The following GSTO1 variants were observed in gnomAD, a reference collection of about 807,000 sequenced individuals.
GSTO1 encodes the protein glutathione S-transferase omega 1.
In GSTO1, 27 loss-of-function variants were observed where a neutral mutation model predicts 23.8. The observed-to-expected ratio is 1.13, with a 90% CI of 0.83 to 1.56. The LOEUF is 1.56. GSTO1 is among the 40% of genes most tolerant of loss of function. GSTO1 has a pLI of 0.00. For synonymous variants in GSTO1, 105 were observed against 109.3 expected, an observed-to-expected ratio of 0.96 and a Z score of 0.25; for missense variants, 255 against 285.8, an observed-to-expected ratio of 0.89 and a Z score of 0.78.
chr10:104,258,893 G>C (rs181410764), intron 2 of GSTO1, among the ~76,000 whole-genome samples: 8 of 151,892 alleles, frequency 5.3e-5, no homozygotes, highest in African/African-American at 1.7e-4. Flanking sequence ...TATAAAAATG[G>C]GCAACACATA....
Position 104,255,265 on chromosome 10 carries a change from G to GA in GSTO1, c.139dup (p.Ile47AsnfsTer4). On this transcript the variant is annotated frameshift_variant, in exon 2 of 6. Transcript: ENST00000369713. LOFTEE classifies it high-confidence loss of function. Reference sequence around the variant, plus strand: ...ACGCGTCTAGTCCTGAAGGCCAAGGGAATCAGGTGGGCACCCAGGCGGGGG... The same window carrying GA: ...ACGCGTCTAGTCCTGAAGGCCAAGGGAAATCAGGTGGGCACCCAGGCGGGGG... 6.2e-7 allele frequency: 1 copy of GA among 1,601,322 alleles called. No homozygotes were observed. The highest frequency in any genetic ancestry group is 8.6e-7 in the Non-Finnish European group (1 of 1,168,266).
intron 5 of GSTO1, 95 bp from the exon 6 acceptor site, chr10:104,267,157 A>G: frequency 1.4e-6 from 1 of 699,608 alleles, no homozygotes; most frequent in South Asian, 2.5e-5. Flanking sequence ...AAGGGAAAAA[A>G]GTGAAACTGT....
At chr10:104,255,764 C>T (rs11191976) in intron 2 of GSTO1, among the ~76,000 whole-genome samples, 11,243 of 152,222 alleles carry the variant, frequency 0.074, 1,400 homozygotes, top group African/African-American at 0.26. Context: ...GTTTACTGCA[C>T]ATATTCCTGT....
chr10:104,259,470 T>C, intron 2 of GSTO1, 106 bp from the exon 3 acceptor site: 1 of 663,348 alleles, frequency 1.5e-6, no homozygotes, highest in Non-Finnish European at 2.6e-6. Flanking sequence ...GGCAGACTCC[T>C]AAATTTGGGG....
upstream of GSTO1, chr10:104,254,623 G>T: frequency 2.1e-6 from 1 of 484,020 alleles, no homozygotes; most frequent in South Asian, 2.0e-5. Context: ...GTGGAGCCCC[G>T]TGGAGTGCGG....
intron 5 of GSTO1, 76 bp downstream of exon 5, chr10:104,266,266 G>A (rs2011181944): frequency 1.3e-6 from 1 of 799,256 alleles, no homozygotes; most frequent in South Asian, 1.4e-5. Flanking sequence ...CTTTATAACA[G>A]AAGTTGAAAT....
intron 3 of GSTO1, among the ~76,000 whole-genome samples, chr10:104,262,577 T>C (rs2135061509): frequency 6.6e-6 from 1 of 152,298 alleles, no homozygotes; most frequent in East Asian, 1.9e-4. Flanking sequence ...CCTGGCGTGG[T>C]GGCGCACGCC....
intron 5 of GSTO1, among the ~76,000 whole-genome samples, 165 bp downstream of exon 5, chr10:104,266,355 T>C (rs1166965629): frequency 6.6e-6 from 1 of 152,212 alleles, no homozygotes; most frequent in African/African-American, 2.4e-5. Context: ...ATACCTACAC[T>C]AACTACTCTC....
At chr10:104,254,519 G>C (rs2091591716), upstream of GSTO1, 2 of 282,246 alleles carry the variant, frequency 7.1e-6, no homozygotes, top group Admixed American at 5.0e-5. Context: ...CCATGAGGTC[G>C]GGCCACAGGC....
chr10:104,255,134 C>T, intron 1 of GSTO1, 29 bp from the exon 2 acceptor site: 1 of 1,564,124 alleles, frequency 6.4e-7, no homozygotes, highest in Non-Finnish European at 8.8e-7. Context: ...CCTCTCTGGG[C>T]CGTAATCGCC....
intron 3 of GSTO1, among the ~76,000 whole-genome samples, chr10:104,262,391 CTA>C (rs1472260687): frequency 2.0e-5 from 3 of 152,152 alleles, no homozygotes. Flanking sequence ...CCCAATAATT[CTA>C]TGAGCCACTC....
upstream of GSTO1, chr10:104,254,477 T>A (rs17881389): frequency 3.2e-4 from 64 of 197,848 alleles, no homozygotes; most frequent in Admixed American, 3.0e-3. Flanking sequence ...AACAGGAGCC[T>A]TTGGAGAGAA....
chr10:104,264,165 A>C lies in GSTO1; in HGVS notation c.465+1088A>C, dbSNP rs1168041286. Among the ~76,000 whole-genome samples the C allele has an allele frequency of 2.0e-5, 3 of 152,192 alleles. No homozygotes were observed. In the East Asian group the frequency reaches 5.8e-4, roughly 29 times the overall value. Reference sequence around the variant, plus strand: ...TTTCTAATCTCTGAAACCATTTGGTAGGGACTAGCGGTTTCTTTAAAACAT... The same window carrying C: ...TTTCTAATCTCTGAAACCATTTGGTCGGGACTAGCGGTTTCTTTAAAACAT... On this transcript the variant is annotated intron_variant, in intron 4 of 5. Transcript: ENST00000369713.
chr10:104,264,219 A>T (rs2011161215), intron 4 of GSTO1, among the ~76,000 whole-genome samples: 1 of 151,892 alleles, frequency 6.6e-6, no homozygotes, highest in Non-Finnish European at 1.5e-5. Context: ...ACAGGGGTAG[A>T]TTTTTCATTA....
At chr10:104,256,718 T>C (rs11817274) in intron 2 of GSTO1, among the ~76,000 whole-genome samples, 15,784 of 152,208 alleles carry the variant, frequency 0.1, 2,794 homozygotes, top group African/African-American at 0.36. Context: ...GTGGCAGGTG[T>C]GTAGACTTGT....
At chr10:104,264,380 A>G (rs1442152656) in intron 4 of GSTO1, among the ~76,000 whole-genome samples, 2 of 152,202 alleles carry the variant, frequency 1.3e-5, no homozygotes, top group Admixed American at 1.3e-4. Flanking sequence ...TTAGTAGTAG[A>G]CAGAACACAG....
In GSTO1 at chr10:104,267,260, A is replaced by G; in HGVS notation, c.581A>G (p.Asp194Gly). 1 of 1,611,530 alleles carries G rather than the reference A, an allele frequency of 6.2e-7. No individual in the cohort carries two copies. Among genetic ancestry groups the G allele is most frequent in the South Asian group, 1.1e-5 (1 of 90,904 alleles). The change falls in exon 6 of 6, where the codon GAC (aspartate) becomes GGC (glycine). Residue 194 changes from aspartate (D) to glycine (G), a missense_variant. Asp to Gly is a moderately conservative substitution (Grantham distance 94, BLOSUM62 -1). Transcript: ENST00000369713. ...LEAMKLNECV[D>G]HTPKLKLWMA... The stretch of plus-strand genomic sequence containing the variant: ...TTTTCCTCTTCCCACAGGTGTGTAG[A>G]CCACACTCCAAAACTGAAACTGTGG...
At chr10:104,262,239 A>T (rs1469659425) in intron 3 of GSTO1, among the ~76,000 whole-genome samples, 1 of 152,218 alleles carries the variant, frequency 6.6e-6, no homozygotes, top group Non-Finnish European at 1.5e-5. Flanking sequence ...CAGTTATCTC[A>T]GACTCTACTT....
At position 104,255,170 on chromosome 10, in the gene GSTO1, G is replaced by C; in HGVS notation, c.42G>C (p.Ala14=). Residue 14 remains alanine, a synonymous_variant, in exon 2 of 6, where the codon GCG becomes GCC. Transcript: ENST00000369713. ...ESARSLGKGS[A]PPGPVPEGSI... ...TTCGCTTCTCCCCGGCAGGAAGCGC[G>C]CCCCCGGGGCCGGTCCCGGAGGGCT... The C allele has an allele frequency of 6.2e-7, 1 of 1,612,266 alleles. No individual in the cohort carries two copies. Among genetic ancestry groups the C allele is most frequent in the Non-Finnish European group, 8.5e-7 (1 of 1,178,602 alleles).
Sources: allele counts gnomAD v4.1 joint callset (sites outside exome capture counted in the v4.1 genomes callset), GRCh38; gene constraint gnomAD v4.1.1; transcripts MANE v1.5; gene names NCBI Gene and HGNC (gene_info 2026-07-23, HGNC 2026-07-21).